ANOS1: variants seen among roughly 807,000 people sequenced by gnomAD.
ANOS1 encodes the protein anosmin 1.
Under a neutral mutation model 59.0 loss-of-function variants are expected in ANOS1, and 6 were observed. The observed-to-expected ratio is 0.10, with a 90% confidence interval of 0.06 to 0.20. The LOEUF is 0.20. Ranked by LOEUF, ANOS1 falls within the 10% of genes least tolerant of loss-of-function variation. The probability of loss-of-function intolerance (pLI) is 1.00; values close to 1 mark genes in which losing one functional copy is unlikely to be tolerated. For synonymous variants in ANOS1, 217 were observed against 223.4 expected (o/e 0.97, Z 0.25); for missense variants, 433 against 542.3 (o/e 0.80, Z 2.00).
chrX:8,541,493 G>A (rs111809277), intron 9 of ANOS1, among the ~76,000 whole-genome samples: 16,745 of 99,240 alleles, frequency 0.17, 1,517 homozygotes, highest in African/African-American at 0.23. Context: ...TTGACAAAAA[G>A]TGCTGATTTT....
At chrX:8,600,111 A>G (rs1930815582) in intron 3 of ANOS1, among the ~76,000 whole-genome samples, 1 of 112,209 alleles carries the variant, frequency 8.9e-6, no homozygotes, top group Non-Finnish European at 1.9e-5. Context: ...TTCCCCAAAC[A>G]ATGTTCAATT....
chrX:8,615,964 T>G (rs928660117), intron 3 of ANOS1, among the ~76,000 whole-genome samples: 2 of 110,929 alleles, frequency 1.8e-5, no homozygotes, highest in African/African-American at 6.5e-5. Flanking sequence ...AATATAATTA[T>G]TTCTCTACTC....
At chrX:8,553,651 T>G (rs1017415402) in intron 9 of ANOS1, among the ~76,000 whole-genome samples, 1 of 111,732 alleles carries the variant, frequency 8.9e-6, no homozygotes, top group African/African-American at 3.3e-5. Context: ...AATTAATAAT[T>G]TATAACAAAA....
chrX:8,561,118 A>C (rs949585651), intron 8 of ANOS1, among the ~76,000 whole-genome samples: 3 of 111,864 alleles, frequency 2.7e-5, no homozygotes, highest in Non-Finnish European at 3.8e-5. Context: ...TGTGGACCCC[A>C]GAAGATAATC....
chrX:8,548,340 T>C (rs1246597290), intron 9 of ANOS1, among the ~76,000 whole-genome samples: 2 of 112,320 alleles, frequency 1.8e-5, no homozygotes, highest in Non-Finnish European at 3.8e-5. Flanking sequence ...GTATTCTGTC[T>C]AGATATTTTT....
At chrX:8,730,874 G>A (rs1932968689) in intron 1 of ANOS1, among the ~76,000 whole-genome samples, 1 of 112,709 alleles carries the variant, frequency 8.9e-6, no homozygotes, top group African/African-American at 3.2e-5. Context: ...AGCTGCACTC[G>A]CTCGCGCTGA....
intron 2 of ANOS1, among the ~76,000 whole-genome samples, chrX:8,668,393 T>C (rs1225595975): frequency 6.7e-5 from 3 of 44,835 alleles, no homozygotes; most frequent in Non-Finnish European, 1.3e-4. Context: ...TAGTATTCCA[T>C]CATATATATA....
At chrX:8,729,454 A>T (rs1602049303) in intron 1 of ANOS1, among the ~76,000 whole-genome samples, 1 of 82,362 alleles carries the variant, frequency 1.2e-5, no homozygotes, top group Non-Finnish European at 2.2e-5. Flanking sequence ...GCTGGAGTGC[A>T]GTGGTGTGAT....
At chrX:8,650,766 G>A (rs1931838862) in intron 2 of ANOS1, among the ~76,000 whole-genome samples, 1 of 111,946 alleles carries the variant, frequency 8.9e-6, no homozygotes. Context: ...TCGCCCACAG[G>A]AGGCTGTCCT....
At chrX:8,535,261 G>T in intron 12 of ANOS1, 1 of 264,939 alleles carries the variant, frequency 3.8e-6, no homozygotes, top group Non-Finnish European at 6.7e-6. Flanking sequence ...CTTCAAACAG[G>T]GCATGTTCAC....
chrX:8,647,841 T>C (rs1301610795), intron 2 of ANOS1, among the ~76,000 whole-genome samples: 2 of 111,823 alleles, frequency 1.8e-5, no homozygotes, highest in African/African-American at 6.5e-5. Flanking sequence ...AAAAGCATCT[T>C]AAACCTATAC....
At chrX:8,666,986 G>A (rs930772650) in intron 2 of ANOS1, among the ~76,000 whole-genome samples, 2 of 111,570 alleles carry the variant, frequency 1.8e-5, no homozygotes, top group African/African-American at 6.5e-5. Flanking sequence ...AATATACCCT[G>A]CTCTAGGCTA....
chrX:8,687,545 G>A (rs893865360), intron 2 of ANOS1, among the ~76,000 whole-genome samples: 1 of 107,920 alleles, frequency 9.3e-6, no homozygotes, highest in Non-Finnish European at 1.9e-5. Context: ...CTCAGAAAAC[G>A]TGATTTCATT....
rs763168610 is a variant in ANOS1 at position 8,652,112 on chromosome X, T to C, written c.256-28442A>G. ...GCATGCACCACCATGCCTGGCTAAT[T>C]TTTTTTCCTCACTAATTTTTGAAAG... On this transcript the variant is annotated intron_variant, in intron 2 of 13. Transcript: ENST00000262648. 6.4e-5 allele frequency among the ~76,000 whole-genome samples: 7 copies of C among 110,137 alleles called. No homozygotes were observed. The South Asian group carries it at 2.8e-3, about 43-fold the overall frequency.
chrX:8,679,241 T>C (rs1932383026), intron 2 of ANOS1, among the ~76,000 whole-genome samples: 1 of 110,840 alleles, frequency 9.0e-6, no homozygotes, highest in South Asian at 3.8e-4. Flanking sequence ...AAAATAATAA[T>C]AATAAAATTA....
In ANOS1 at chrX:8,626,778, G is replaced by A. The variant is rs748552425; in HGVS notation, c.256-3108C>T. ...CGGGAGGCTGAGGCAGGAGAATGGC[G>A]TGAACCCGAGAGGCGGAGCTTGCAG... On this transcript the variant is annotated intron_variant, in intron 2 of 13. Transcript: ENST00000262648. Among the ~76,000 whole-genome samples the A allele has an allele frequency of 7.5e-5, 8 of 106,315 alleles. No individual in the cohort carries two copies. The South Asian group carries it at 1.3e-3, about 17-fold the overall frequency. 92.3% of individuals were successfully genotyped at this position (106,315 alleles called of 115,157 possible).
chrX:8,544,180 T>A (rs1174120215), intron 9 of ANOS1, among the ~76,000 whole-genome samples: 1 of 108,837 alleles, frequency 9.2e-6, no homozygotes, highest in Non-Finnish European at 1.9e-5. Flanking sequence ...AAAAGTCTAA[T>A]GACAAAGAAT....
intron 9 of ANOS1, among the ~76,000 whole-genome samples, chrX:8,550,987 G>C (rs1388475200): frequency 9.0e-6 from 1 of 111,398 alleles, no homozygotes; most frequent in East Asian, 2.8e-4. Flanking sequence ...TCTCATGATA[G>C]TGAGTAAGTC....
chrX:8,682,589 A>G (rs752999178), intron 2 of ANOS1, among the ~76,000 whole-genome samples: 2 of 111,397 alleles, frequency 1.8e-5, no homozygotes, highest in Non-Finnish European at 3.8e-5. Flanking sequence ...TCACTTGCTC[A>G]AGATCACATA....
Sources: allele counts gnomAD v4.1 joint callset (sites outside exome capture counted in the v4.1 genomes callset), GRCh38; gene constraint gnomAD v4.1.1; transcripts MANE v1.5; gene names NCBI Gene and HGNC (gene_info 2026-07-23, HGNC 2026-07-21).